The following MARVELD3 variants were observed in gnomAD, a reference collection of about 807,000 sequenced individuals.
The protein encoded by MARVELD3 is MARVEL domain-containing protein 3.
A neutral mutation model predicts 33.5 loss-of-function variants in MARVELD3; 28 were observed. The observed-to-expected ratio is 0.84, with a 90% CI of 0.62 to 1.15. The LOEUF (loss-of-function observed/expected upper bound fraction) is 1.15. MARVELD3 is among the 50% of genes most tolerant of loss of function. The pLI, the probability that MARVELD3 is intolerant of heterozygous loss-of-function variation, is 0.00. For synonymous variants in MARVELD3, 241 were observed against 230.4 expected (o/e 1.05, Z -0.42); for missense variants, 582 against 547.6 (o/e 1.06, Z -0.63).
In MARVELD3 at chr16:71,626,669, G is replaced by C. The variant is rs1432142342; in HGVS notation, c.440G>C (p.Gly147Ala). The C allele has an allele frequency of 2.5e-5, 38 of 1,516,634 alleles. No homozygotes were observed. The South Asian group carries it at 4.5e-4, about 18-fold the overall frequency. The allele number at this position is 1,516,634 out of a possible 1,614,324, so 93.9% of individuals were successfully genotyped here. A position where few individuals can be genotyped will look rare whatever the true frequency, so the allele number is the denominator to read the frequency against. The change falls in exon 1 of 3, where the codon GGA becomes GCA. Residue 147 changes from glycine to alanine, a missense_variant. Physicochemically the swap from Gly to Ala is moderately conservative, Grantham distance 60. Transcript: ENST00000268485. The surrounding 1 kb of genome is among the most constrained non-coding windows in gnomAD (Gnocchi z 5.3). ...GAGCCGCCGCAGCCGCAGAGGAAGG[G>C]AGACCCCGGGCGCCGCAGACCCGAA... ...APEPPQPQRK[G>A]DPGRRRPESE... is the part of the protein sequence containing the mutation.
chr16:71,630,812 T>C (rs1312254499), intron 2 of MARVELD3, among the ~76,000 whole-genome samples: 1 of 152,154 alleles, frequency 6.6e-6, no homozygotes, highest in Non-Finnish European at 1.5e-5. Context: ...TTCTATCCCG[T>C]TCATTAAGAA....
At chr16:71,628,894 A>G (rs2044500799) in intron 1 of MARVELD3, among the ~76,000 whole-genome samples, 1 of 152,194 alleles carries the variant, frequency 6.6e-6, no homozygotes, top group Non-Finnish European at 1.5e-5. Flanking sequence ...CTGCCAGAGG[A>G]GGAAATGATG....
At chr16:71,629,550 G>T in intron 2 of MARVELD3, 56 bp downstream of exon 2, 1 of 1,518,222 alleles carries the variant, frequency 6.6e-7, no homozygotes, top group Middle Eastern at 1.7e-4. Flanking sequence ...TTCTGGAAGG[G>T]ATGGTCTGAG....
Position 71,635,553 on chromosome 16 carries a change from G to T in MARVELD3, c.*750G>T. Reference sequence around the variant, plus strand: ...ACCCAGGAGTTCAAGTTTGCAGTGCGCTATGATTGTCCCACTACACTCTAG... The same window carrying T: ...ACCCAGGAGTTCAAGTTTGCAGTGCTCTATGATTGTCCCACTACACTCTAG... On this transcript the variant is annotated 3_prime_UTR_variant, in exon 3 of 3. Transcript: ENST00000268485. 1 of 981,210 alleles carries T rather than the reference G, an allele frequency of 1.0e-6. No homozygotes were observed. Among genetic ancestry groups the T allele is most frequent in the Non-Finnish European group, 1.2e-6 (1 of 826,656 alleles). The allele number at this position is 981,210 out of a possible 1,614,324, so 60.8% of individuals were successfully genotyped here.
intron 2 of MARVELD3, among the ~76,000 whole-genome samples, chr16:71,632,211 C>T (rs1259755314): frequency 6.6e-6 from 1 of 152,216 alleles, no homozygotes; most frequent in Admixed American, 6.5e-5. Context: ...GAGGGATTGA[C>T]TGCAAAGCGT....
chr16:71,627,943 C>T (rs910905608), intron 1 of MARVELD3, among the ~76,000 whole-genome samples: 1 of 152,188 alleles, frequency 6.6e-6, no homozygotes, highest in Admixed American at 6.5e-5. Context: ...TCCGAGGTGA[C>T]GACTGCTTCT....
chr16:71,626,934 T>G lies in MARVELD3; in HGVS notation c.467+238T>G. 2.4e-6 allele frequency: 1 copy of G among 421,828 alleles called. No homozygotes were observed. Among genetic ancestry groups the G allele is most frequent in the Non-Finnish European group, 4.1e-6 (1 of 243,076 alleles). 26.1% of individuals were successfully genotyped at this position (421,828 alleles called of 1,614,324 possible). A position where few individuals can be genotyped will look rare whatever the true frequency, so the allele number is the denominator to read the frequency against. ...AAAAACCACCCCTGTGAGCAGTGGC[T>G]GGGCTGGAGGACCTGGAGAAGAGAA... On this transcript the variant is annotated intron_variant, in intron 1 of 2. Coordinates refer to ENST00000268485, the MANE Select transcript of MARVELD3 (RefSeq NM_052858.6). The surrounding 1 kb of genome is among the most constrained non-coding windows in gnomAD (Gnocchi z 5.3).
chr16:71,640,896 G>C (rs368492439), downstream of MARVELD3: 3 of 1,614,064 alleles, frequency 1.9e-6, no homozygotes, highest in Non-Finnish European at 2.5e-6. Context: ...TTGTCTTCTC[G>C]TGATCATGTA....
At chr16:71,629,011 C>A (rs1312897657) in intron 1 of MARVELD3, 1 of 194,008 alleles carries the variant, frequency 5.2e-6, no homozygotes, top group Admixed American at 6.1e-5. Flanking sequence ...CCTGCCTGGG[C>A]ATCAGAGTCA....
intron 2 of MARVELD3, 178 bp downstream of exon 2, chr16:71,629,672 G>A (rs1474550874): frequency 4.9e-5 from 29 of 587,464 alleles, no homozygotes; most frequent in Non-Finnish European, 7.7e-5. Flanking sequence ...AAGGAGGAAC[G>A]TCTCAAAAGT....
rs1038695800 is a variant in MARVELD3 at position 71,626,722 on chromosome 16, C to T, written c.467+26C>T. ...GTGAGAGGGGCCGGGGCGCTGCGAC[C>T]TCCGCGCCGGGGACACCTGTGGCCC... On this transcript the variant is annotated intron_variant, in intron 1 of 2. Coordinates refer to ENST00000268485, the MANE Select transcript of MARVELD3 (RefSeq NM_052858.6). The surrounding 1 kb of genome is among the most constrained non-coding windows in gnomAD (Gnocchi z 5.3). The T allele has an allele frequency of 3.5e-6, 5 of 1,427,236 alleles. No individual in the cohort carries two copies. Among genetic ancestry groups the T allele is most frequent in the South Asian group, 3.0e-5 (2 of 66,006 alleles). The allele number at this position is 1,427,236 out of a possible 1,614,324, so 88.4% of individuals were successfully genotyped here.
At chr16:71,633,205 T>G (rs1274310543) in intron 2 of MARVELD3, among the ~76,000 whole-genome samples, 1 of 151,448 alleles carries the variant, frequency 6.6e-6, no homozygotes, top group Non-Finnish European at 1.5e-5. Context: ...CACGAGAAAA[T>G]ACAAAAATTA....
At chr16:71,640,944 G>C (rs201839766), downstream of MARVELD3, 8 of 1,613,936 alleles carry the variant, frequency 5.0e-6, no homozygotes, top group South Asian at 2.2e-5. Flanking sequence ...TAGCTACCGA[G>C]AACAGAAGCG....
chr16:71,631,660 C>A (rs1358198093), intron 2 of MARVELD3, among the ~76,000 whole-genome samples: 1 of 152,082 alleles, frequency 6.6e-6, no homozygotes, highest in Admixed American at 6.6e-5. Flanking sequence ...GTTGGCCAGG[C>A]CGGTCTTGAA....
downstream of MARVELD3, chr16:71,640,836 T>G (rs2145290568): frequency 1.2e-6 from 2 of 1,614,226 alleles, no homozygotes; most frequent in East Asian, 4.5e-5. Context: ...GGGTCTCACC[T>G]GGATGGACTG....
At chr16:71,631,586 AGG>A (rs2044533878) in intron 2 of MARVELD3, among the ~76,000 whole-genome samples, 2 of 151,852 alleles carry the variant, frequency 1.3e-5, no homozygotes, top group Non-Finnish European at 2.9e-5. Context: ...AGTGGCTGGG[AGG>A]TAGCGCGTGC....
At chr16:71,633,790 G>T (rs2044555391) in intron 2 of MARVELD3, among the ~76,000 whole-genome samples, 1 of 151,418 alleles carries the variant, frequency 6.6e-6, no homozygotes, top group Non-Finnish European at 1.5e-5. Context: ...TCCCACCTTG[G>T]CTTCCCAATG....
At chr16:71,639,533 G>A (rs1247395589), downstream of MARVELD3, among the ~76,000 whole-genome samples, 2 of 143,310 alleles carry the variant, frequency 1.4e-5, no homozygotes, top group African/African-American at 2.6e-5. Context: ...TGAAACCTCT[G>A]CCTCCTGGGT....
downstream of MARVELD3, chr16:71,640,670 A>C (rs775812272): frequency 3.7e-6 from 6 of 1,614,088 alleles, no homozygotes; most frequent in Non-Finnish European, 5.1e-6. Flanking sequence ...CCAAGAGTCG[A>C]ACAATGTTGT....
Sources: gnomAD v4.1 joint callset for allele counts (sites outside exome capture counted in the v4.1 genomes callset) on GRCh38, gnomAD v4.1.1 for gene constraint, Gnocchi (gnomAD v3.1) non-coding constraint, MANE v1.5 for transcripts, NCBI Gene and HGNC (gene_info 2026-07-23, HGNC 2026-07-21) for gene names.